The following SRGAP2C variants were observed in gnomAD, a reference collection of about 807,000 sequenced individuals.
SRGAP2C encodes SLIT-ROBO Rho GTPase-activating protein 2C.
SRGAP2C carries 15 observed loss-of-function variants against 25.1 expected under a neutral mutation model. The ratio of observed to expected loss-of-function variants is 0.60; its 90% CI spans 0.40 to 0.92. The LOEUF (loss-of-function observed/expected upper bound fraction) is 0.92. Ranked by LOEUF, SRGAP2C falls within the 40% of genes least tolerant of loss-of-function variation. The pLI, the probability that SRGAP2C is intolerant of heterozygous loss-of-function variation, is 0.00. For synonymous variants in SRGAP2C, 44 were observed against 96.6 expected (o/e 0.46, Z 3.19); for missense variants, 144 against 264.4 (o/e 0.54, Z 3.16).
intron 4 of SRGAP2C, among the ~76,000 whole-genome samples, chr1:121,356,736 C>G (rs1198559839): frequency 5.3e-5 from 8 of 152,088 alleles, no homozygotes; most frequent in African/African-American, 1.4e-4. Context: ...CGCCCCCACC[C>G]AAATCATTAT....
At chr1:121,366,912 T>C (rs1292022973) in intron 5 of SRGAP2C, among the ~76,000 whole-genome samples, 9 of 123,568 alleles carry the variant, frequency 7.3e-5, no homozygotes, top group African/African-American at 2.7e-4. Flanking sequence ...TTACCCAGGG[T>C]CCTATGTCTC....
intron 2 of SRGAP2C, among the ~76,000 whole-genome samples, chr1:121,208,600 T>C (rs1421438788): frequency 2.0e-5 from 3 of 152,232 alleles, no homozygotes; most frequent in African/African-American, 4.8e-5. Flanking sequence ...GTGCCAATAC[T>C]GTATTCGCTA....
chr1:121,225,997 G>A (rs1186780182), intron 2 of SRGAP2C, among the ~76,000 whole-genome samples: 18 of 151,462 alleles, frequency 1.2e-4, no homozygotes, highest in South Asian at 1.0e-3. Context: ...GAGCCACCAC[G>A]CCCGGCAAAA....
intron 2 of SRGAP2C, among the ~76,000 whole-genome samples, chr1:121,188,234 G>A (rs1553319250): frequency 2.0e-5 from 3 of 152,130 alleles, no homozygotes; most frequent in South Asian, 4.1e-4. Flanking sequence ...CTGTGCTGTG[G>A]CCCTCTGCTC....
intron 2 of SRGAP2C, among the ~76,000 whole-genome samples, chr1:121,236,095 A>G (rs1655951632): frequency 7.2e-6 from 1 of 138,642 alleles, no homozygotes; most frequent in Admixed American, 7.3e-5. Context: ...GTGTTCCAGG[A>G]TCTATATCCT....
At chr1:121,207,236 G>T (rs1655135483) in intron 2 of SRGAP2C, among the ~76,000 whole-genome samples, 1 of 152,102 alleles carries the variant, frequency 6.6e-6, no homozygotes, top group Non-Finnish European at 1.5e-5. Flanking sequence ...CCTTGAAGGG[G>T]CTTCGTGTTT....
At chr1:121,191,727 T>C (rs1336674255) in intron 2 of SRGAP2C, among the ~76,000 whole-genome samples, 3 of 151,886 alleles carry the variant, frequency 2.0e-5, no homozygotes, top group African/African-American at 7.3e-5. Context: ...TCTTTCCTTA[T>C]TTAAGGCCCC....
At chr1:121,191,497 G>A (rs1420228273) in intron 2 of SRGAP2C, among the ~76,000 whole-genome samples, 2 of 149,750 alleles carry the variant, frequency 1.3e-5, no homozygotes, top group Non-Finnish European at 3.0e-5. Flanking sequence ...TGCAGGTATG[G>A]GGAGGGCTGA....
intron 2 of SRGAP2C, among the ~76,000 whole-genome samples, chr1:121,274,755 C>T (rs1657061312): frequency 9.2e-6 from 1 of 109,124 alleles, no homozygotes; most frequent in Admixed American, 9.5e-5. Context: ...AGCTTTGACT[C>T]TTCTTGGGCT....
At chr1:121,239,204 A>AC (rs1253253945) in intron 2 of SRGAP2C, among the ~76,000 whole-genome samples, 1 of 4,264 alleles carries the variant, frequency 2.3e-4, no homozygotes, top group Non-Finnish European at 3.2e-4. Flanking sequence ...ATATATATAT[A>AC]TATATATATA....
At chr1:121,263,116 G>A (rs1421728694) in intron 2 of SRGAP2C, among the ~76,000 whole-genome samples, 1 of 151,678 alleles carries the variant, frequency 6.6e-6, no homozygotes. Context: ...CACTTTGGGA[G>A]GCTGAGTTGG....
intron 3 of SRGAP2C, among the ~76,000 whole-genome samples, chr1:121,307,070 C>T: frequency 6.9e-6 from 1 of 145,810 alleles, no homozygotes; most frequent in East Asian, 2.1e-4. Context: ...CTCAAGTGAT[C>T]CTCCCACCTC....
chr1:121,213,342 G>A (rs1422455718), intron 2 of SRGAP2C, among the ~76,000 whole-genome samples: 6 of 148,664 alleles, frequency 4.0e-5, no homozygotes, highest in East Asian at 2.0e-4. Flanking sequence ...CATCATGCCC[G>A]GCCTCGTTTC....
rs1356305652 is a variant in SRGAP2C at position 121,279,629 on chromosome 1, C to T, written c.68-5174C>T. Among the ~76,000 whole-genome samples, 152 of 149,086 alleles carry T rather than the reference C, an allele frequency of 1.0e-3. 1 individual carries two copies. The highest frequency in any genetic ancestry group is 3.4e-3 in the Middle Eastern group (1 of 294). The stretch of plus-strand genomic sequence containing the variant: ...ATAAGCCTCTTTCTAAATACTAGGA[C>T]GAGTATAGTTAGTGTCTCAGCTGTG... On this transcript the variant is annotated intron_variant, in intron 2 of 9. Coordinates refer to ENST00000367123, the MANE Select transcript of SRGAP2C (RefSeq NM_001329984.2).
Position 121,382,527 on chromosome 1 carries a change from G to A in SRGAP2C, c.832-174G>A, listed in dbSNP as rs112255909. Among the ~76,000 whole-genome samples the A allele has an allele frequency of 8.1e-3, 1,224 of 151,762 alleles. 17 individuals carry two copies. The highest frequency in any genetic ancestry group is 0.028 in the African/African-American group (1,171 of 41,358). ...TAGGGTGTGTTTAACCGTTGAATTG[G>A]GAGTCAAGAACTGAGAACTCTCACC... On this transcript the variant is annotated intron_variant, in intron 7 of 9. Coordinates refer to ENST00000367123, the MANE Select transcript of SRGAP2C (RefSeq NM_001329984.2).
intron 2 of SRGAP2C, among the ~76,000 whole-genome samples, chr1:121,239,807 C>A (rs1656080336): frequency 6.6e-6 from 1 of 152,254 alleles, no homozygotes; most frequent in South Asian, 2.1e-4. Context: ...CAACAGAGAA[C>A]ATATGGCCCA....
At position 121,208,266 on chromosome 1, in the gene SRGAP2C, G is replaced by A. The variant is rs1489650393; in HGVS notation, c.67+20753G>A. Among the ~76,000 whole-genome samples the A allele has an allele frequency of 2.8e-4, 43 of 152,092 alleles. 1 individual carries two copies. Among genetic ancestry groups the A allele is most frequent in the Admixed American group, 2.8e-3 (43 of 15,264 alleles). On this transcript the variant is annotated intron_variant, in intron 2 of 9. Transcript: ENST00000367123. ...GTATGTTTGTTAAAGTGAATCACCT[G>A]TTGCTTTCTGGGCCATACTTGAAAT...
At chr1:121,316,895 G>A (rs1658111604) in intron 3 of SRGAP2C, among the ~76,000 whole-genome samples, 1 of 150,852 alleles carries the variant, frequency 6.6e-6, no homozygotes, top group Admixed American at 6.6e-5. Flanking sequence ...GGGTTTAAAA[G>A]CCTCTTTATT....
intron 2 of SRGAP2C, among the ~76,000 whole-genome samples, chr1:121,277,766 T>TCTTC: frequency 8.5e-6 from 1 of 117,318 alleles, no homozygotes; most frequent in African/African-American, 3.3e-5. Flanking sequence ...TGTCCCCAGG[T>TCTTC]CTTCCATCTC....
Sources: allele counts gnomAD v4.1 joint callset (sites outside exome capture counted in the v4.1 genomes callset), GRCh38; gene constraint gnomAD v4.1.1; transcripts MANE v1.5; gene names NCBI Gene and HGNC (gene_info 2026-07-23, HGNC 2026-07-21).